EIF3L: variants seen among roughly 807,000 people sequenced by gnomAD.
The protein encoded by EIF3L is eIEF associated protein HSPC021.
EIF3L carries 32 observed loss-of-function variants against 74.6 expected under a neutral mutation model. The observed-to-expected ratio is 0.43, with a 90% CI of 0.32 to 0.58. The LOEUF (loss-of-function observed/expected upper bound fraction) is 0.58, where lower values mean the gene tolerates loss of function less well. Ranked by LOEUF, EIF3L falls within the 20% of genes least tolerant of loss-of-function variation. EIF3L has a pLI of 0.06. For synonymous variants in EIF3L, 256 were observed against 254.4 expected, an observed-to-expected ratio of 1.01 and a Z score of -0.06; for missense variants, 474 against 707.8, an observed-to-expected ratio of 0.67 and a Z score of 3.75.
intron 1 of EIF3L, 174 bp downstream of exon 1, chr22:37,849,656 C>A: frequency 1.4e-6 from 1 of 701,060 alleles, no homozygotes; most frequent in Non-Finnish European, 2.4e-6. Flanking sequence ...TGGCTCTGCC[C>A]GCCCACTTCG....
chr22:37,862,116 G>A (rs554947675), intron 5 of EIF3L, among the ~76,000 whole-genome samples: 11 of 152,304 alleles, frequency 7.2e-5, no homozygotes, highest in African/African-American at 2.2e-4. Context: ...GATTACAGGC[G>A]TGAGCCACTG....
At chr22:37,868,634 C>CTTTTTTTTTTTTTTTTTT (rs71195065) in intron 7 of EIF3L, among the ~76,000 whole-genome samples, 3 of 25,132 alleles carry the variant, frequency 1.2e-4, no homozygotes, top group Non-Finnish European at 2.3e-4. Context: ...TGTTTTGGTG[C>CTTTTTTTTTTTTTTTTTT]TTTTTTTTTT....
At chr22:37,873,938 C>T (rs949418341) in intron 8 of EIF3L, among the ~76,000 whole-genome samples, 1 of 152,150 alleles carries the variant, frequency 6.6e-6, no homozygotes, top group African/African-American at 2.4e-5. Flanking sequence ...GTGTCGTTGC[C>T]TGATTTATGC....
intron 11 of EIF3L, chr22:37,880,351 G>A (rs1926986092): frequency 6.6e-6 from 1 of 151,966 alleles, no homozygotes; most frequent in South Asian, 2.1e-4. Flanking sequence ...CTGACCTCGT[G>A]ATCCACCCAC....
At chr22:37,849,942 A>G in intron 1 of EIF3L, 73 bp from the exon 2 acceptor site, 1 of 1,546,944 alleles carries the variant, frequency 6.5e-7, no homozygotes, top group Non-Finnish European at 8.9e-7. Context: ...TCTGCTTGGC[A>G]TCTAGACTCT....
intron 10 of EIF3L, 165 bp from the exon 11 acceptor site, chr22:37,877,509 G>C (rs1926813849): frequency 2.5e-6 from 2 of 791,158 alleles, no homozygotes; most frequent in Non-Finnish European, 4.0e-6. Context: ...AAGTTAGGTA[G>C]ATCTAGAGGG....
At chr22:37,849,931 C>G (rs113344672) in intron 1 of EIF3L, 84 bp from the exon 2 acceptor site, 1 of 1,479,874 alleles carries the variant, frequency 6.8e-7, no homozygotes, top group Non-Finnish European at 9.4e-7. Flanking sequence ...ATCCTTAGCT[C>G]TCTGCTTGGC....
At chr22:37,888,094 G>A (rs1236069506) in intron 12 of EIF3L, 13 of 253,056 alleles carry the variant, frequency 5.1e-5, no homozygotes, top group Admixed American at 1.6e-4. Flanking sequence ...CTTCTAACAA[G>A]GATCCTGTTC....
At chr22:37,854,003 A>C (rs572073221) in intron 3 of EIF3L, among the ~76,000 whole-genome samples, 281 of 152,368 alleles carry the variant, frequency 1.8e-3, no homozygotes, top group Non-Finnish European at 3.1e-3. Flanking sequence ...ACATGTAGCT[A>C]GTGGCTATTG....
intron 12 of EIF3L, 137 bp downstream of exon 12, chr22:37,886,982 G>A: frequency 1.6e-6 from 1 of 617,670 alleles, no homozygotes; most frequent in Non-Finnish European, 2.7e-6. Flanking sequence ...ATGCTGGAGT[G>A]CAGCGACGTG....
intron 7 of EIF3L, among the ~76,000 whole-genome samples, chr22:37,868,549 G>A (rs1926291456): frequency 6.6e-6 from 1 of 150,608 alleles, no homozygotes; most frequent in South Asian, 2.1e-4. Context: ...TGCCTCCCAG[G>A]TTCAAGGGAT....
intron 10 of EIF3L, chr22:37,877,186 A>T (rs1209657391): frequency 6.1e-6 from 1 of 162,732 alleles, no homozygotes; most frequent in Non-Finnish European, 1.4e-5. Flanking sequence ...ACTGAATACC[A>T]TAGGCAGTTG....
In EIF3L at chr22:37,869,011, A is replaced by G. The variant is rs911978436; in HGVS notation, c.580-1165A>G. ...AAGCTGTTCTCGAACTCTTGATCTC[A>G]TGATCCATCCACCTTGGCTTCCCAA... On this transcript the variant is annotated intron_variant, in intron 7 of 12. Coordinates refer to ENST00000652021, the MANE Select transcript of EIF3L (RefSeq NM_016091.4). 6.6e-5 allele frequency among the ~76,000 whole-genome samples: 10 copies of G among 152,158 alleles called. 1 individual carries two copies. The highest frequency in any genetic ancestry group is 2.2e-4 in the African/African-American group (9 of 41,516).
chr22:37,857,285 G>A (rs1313822077), intron 4 of EIF3L, among the ~76,000 whole-genome samples: 1 of 149,018 alleles, frequency 6.7e-6, no homozygotes, highest in South Asian at 2.1e-4. Context: ...CAGGAGAATG[G>A]CGTGAACCCG....
intron 7 of EIF3L, among the ~76,000 whole-genome samples, chr22:37,867,656 C>CA (rs59463385): frequency 1.3e-3 from 131 of 103,224 alleles, no homozygotes; most frequent in Middle Eastern, 5.0e-3. Context: ...GATTCCGTCT[C>CA]AAAAAAAAAA....
At chr22:37,856,878 T>A (rs1925543777) in intron 4 of EIF3L, among the ~76,000 whole-genome samples, 2 of 150,084 alleles carry the variant, frequency 1.3e-5, no homozygotes, top group Admixed American at 6.6e-5. Context: ...AATTGGGAAT[T>A]GGTAAGTCCT....
intron 3 of EIF3L, among the ~76,000 whole-genome samples, chr22:37,854,531 A>G (rs892705766): frequency 2.0e-5 from 3 of 152,160 alleles, no homozygotes; most frequent in African/African-American, 7.2e-5. Flanking sequence ...GCAATGGCGC[A>G]ATCTCAGCTC....
At chr22:37,862,638 C>G (rs906209145) in intron 5 of EIF3L, among the ~76,000 whole-genome samples, 6 of 152,192 alleles carry the variant, frequency 3.9e-5, no homozygotes, top group Non-Finnish European at 5.9e-5. Context: ...AACTCCCTAG[C>G]CTTCAAGTGC....
intron 7 of EIF3L, among the ~76,000 whole-genome samples, chr22:37,865,349 A>C (rs1222825848): frequency 1.3e-5 from 2 of 151,688 alleles, no homozygotes; most frequent in Non-Finnish European, 2.9e-5. Context: ...AATCCTAGCT[A>C]CTCGGGAGGC....
Sources: allele counts gnomAD v4.1 joint callset (sites outside exome capture counted in the v4.1 genomes callset), GRCh38; gene constraint gnomAD v4.1.1; transcripts MANE v1.5; gene names NCBI Gene and HGNC (gene_info 2026-07-23, HGNC 2026-07-21).